The following EPSTI1 variants were observed in gnomAD, a reference collection of about 807,000 sequenced individuals.
The protein encoded by EPSTI1 is epithelial-stromal interaction protein 1.
In EPSTI1, 66 loss-of-function variants were observed where a neutral mutation model predicts 49.9. The ratio of observed to expected loss-of-function variants is 1.32; its 90% confidence interval spans 1.08 to 1.62. The LOEUF is 1.62. Ranked by LOEUF, EPSTI1 falls within the 40% of genes most tolerant of loss-of-function variation. EPSTI1 has a pLI of 0.00. For missense variants in EPSTI1, 394 were observed against 365.5 expected, an observed-to-expected ratio of 1.08 and a Z score of -0.64; for synonymous variants, 137 against 130.7, an observed-to-expected ratio of 1.05 and a Z score of -0.33.
intron 7 of EPSTI1, chr13:42,919,462 G>A: frequency 1.2e-6 from 1 of 820,408 alleles, no homozygotes; most frequent in Non-Finnish European, 2.0e-6. Context: ...CAATACCAAT[G>A]CTATATTTTA....
intron 6 of EPSTI1, among the ~76,000 whole-genome samples, chr13:42,939,029 T>C (rs1417277417): frequency 6.6e-6 from 1 of 151,996 alleles, no homozygotes; most frequent in Non-Finnish European, 1.5e-5. Flanking sequence ...TCACATTGCA[T>C]GTTTATATTA....
At chr13:42,972,325 T>G (rs1430690177) in intron 1 of EPSTI1, among the ~76,000 whole-genome samples, 2 of 152,232 alleles carry the variant, frequency 1.3e-5, no homozygotes, top group African/African-American at 4.8e-5. Flanking sequence ...AGCCTGCGAC[T>G]GGGTCAAATA....
chr13:42,911,617 TATAG>T (rs778227339), intron 8 of EPSTI1, among the ~76,000 whole-genome samples: 11 of 152,334 alleles, frequency 7.2e-5, no homozygotes, highest in Non-Finnish European at 1.5e-4. Flanking sequence ...TAGCATTGTT[TATAG>T]TAACATAATT....
At chr13:42,923,118 G>A (rs1252224325) in intron 7 of EPSTI1, among the ~76,000 whole-genome samples, 2 of 152,220 alleles carry the variant, frequency 1.3e-5, no homozygotes, top group Non-Finnish European at 2.9e-5. Context: ...AATTAAAGGA[G>A]AGACGGAGGG....
chr13:42,892,013 C>T (rs59158509), intron 10 of EPSTI1, among the ~76,000 whole-genome samples: 2,972 of 152,232 alleles, frequency 0.02, 80 homozygotes, highest in East Asian at 0.09. Flanking sequence ...GGTAATCTCA[C>T]TGAGACCGTG....
chr13:42,901,717 A>C (rs1487201953), intron 8 of EPSTI1, among the ~76,000 whole-genome samples: 1 of 152,172 alleles, frequency 6.6e-6, no homozygotes, highest in Non-Finnish European at 1.5e-5. Context: ...ATGTGGTTTC[A>C]TAAGTAATTA....
In EPSTI1 at chr13:42,954,019, G is replaced by A; in HGVS notation, c.492C>T (p.Ser164=). The A allele has an allele frequency of 6.2e-7, 1 of 1,610,076 alleles. No individual in the cohort carries two copies. The highest frequency in any genetic ancestry group is 8.5e-7 in the Non-Finnish European group (1 of 1,178,698). Residue 164 remains serine (S), a splice_region_variant and synonymous_variant, in exon 6 of 11, where the codon AGC becomes AGT. Coordinates refer to ENST00000313624, the MANE Select transcript of EPSTI1 (RefSeq NM_033255.5). ...QKMKAIQREK[S]NKLEEKKRLQ... ...GTCTTTTTTTCTCCTCCAGTTTATTGCTCTGAAATTGCAAATATCAAAACA... is the reference window on the plus strand; with the variant it reads ...GTCTTTTTTTCTCCTCCAGTTTATTACTCTGAAATTGCAAATATCAAAACA...
At chr13:42,919,022 C>T (rs542932362) in intron 7 of EPSTI1, among the ~76,000 whole-genome samples, 14 of 152,176 alleles carry the variant, frequency 9.2e-5, no homozygotes, top group Admixed American at 6.5e-4. Flanking sequence ...ACAGCTTCTA[C>T]TCAAGATATT....
Position 42,969,109 on chromosome 13 carries a change from C to G in EPSTI1, c.316G>C (p.Val106Leu). The G allele has an allele frequency of 6.2e-7, 1 of 1,614,152 alleles. No individual in the cohort carries two copies. The highest frequency in any genetic ancestry group is 8.5e-7 in the Non-Finnish European group (1 of 1,180,030). The change falls in exon 3 of 11, where the codon GTG becomes CTG. Residue 106 changes from valine (V) to leucine (L), a missense_variant. Coordinates refer to ENST00000313624, the MANE Select transcript of EPSTI1 (RefSeq NM_033255.5). ...EQNRAKPVHL[V>L]PRRLGGSQSE... is the part of the protein sequence containing the mutation. ...GCTTGCTTACCTAGCCGTCTGGGCA[C>G]CAGGTGAACCGGTTTAGCTCTGTTC...
At chr13:42,948,722 C>T (rs931164843) in intron 6 of EPSTI1, among the ~76,000 whole-genome samples, 6 of 152,124 alleles carry the variant, frequency 3.9e-5, no homozygotes, top group African/African-American at 1.4e-4. Flanking sequence ...GGTAATCCAC[C>T]TACCTTGGCC....
chr13:42,939,398 T>C (rs1282379143), intron 6 of EPSTI1, among the ~76,000 whole-genome samples: 1 of 151,020 alleles, frequency 6.6e-6, no homozygotes, highest in Non-Finnish European at 1.5e-5. Context: ...GCACAGAGCT[T>C]AGTCATTTTT....
chr13:42,946,984 C>CA (rs978693144), intron 6 of EPSTI1, among the ~76,000 whole-genome samples: 59 of 152,202 alleles, frequency 3.9e-4, no homozygotes, highest in African/African-American at 1.4e-3. Flanking sequence ...TTCCCTGTGC[C>CA]AAAAAGGTTG....
intron 6 of EPSTI1, among the ~76,000 whole-genome samples, chr13:42,952,167 C>T (rs774789135): frequency 7.9e-5 from 12 of 152,144 alleles, no homozygotes; most frequent in South Asian, 4.1e-4. Flanking sequence ...GGGATGTGGG[C>T]GCAGACAAAT....
intron 5 of EPSTI1, among the ~76,000 whole-genome samples, chr13:42,959,789 G>A (rs2039390259): frequency 6.6e-6 from 1 of 152,144 alleles, no homozygotes. Context: ...AGAGGTTGGG[G>A]AATCAAATGA....
Position 42,970,645 on chromosome 13 carries a change from G to C in EPSTI1, c.214C>G (p.Pro72Ala). 6.2e-7 allele frequency: 1 copy of C among 1,610,216 alleles called. No individual in the cohort carries two copies. Among genetic ancestry groups the C allele is most frequent in the South Asian group, 1.1e-5 (1 of 90,092 alleles). Reference protein sequence around the residue: ...RRTSAYTLIAPNINRRNEIQR... With the variant: ...RRTSAYTLIAANINRRNEIQR... ...ATCTCATTTCTCCGGTTTATATTTG[G>C]TGCTATCAAGGTGTATGCACTTGTG... Residue 72 changes from proline to alanine, a missense_variant, in exon 2 of 11, where the codon CCA (proline) becomes GCA (alanine). Transcript: ENST00000313624.
intron 10 of EPSTI1, among the ~76,000 whole-genome samples, chr13:42,891,528 T>C (rs2037034731): frequency 1.3e-5 from 2 of 152,238 alleles, no homozygotes; most frequent in South Asian, 4.1e-4. Context: ...AATGGCATTT[T>C]GGTTTAATTC....
At chr13:42,965,576 G>A (rs2039579854) in intron 3 of EPSTI1, among the ~76,000 whole-genome samples, 1 of 152,208 alleles carries the variant, frequency 6.6e-6, no homozygotes, top group Non-Finnish European at 1.5e-5. Flanking sequence ...GAAATCTGAG[G>A]AAAGATGTCA....
rs1046693355 is a variant in EPSTI1 at position 42,963,202 on chromosome 13, A to G, written c.489+53T>C. On this transcript the variant is annotated intron_variant, in intron 5 of 10. Coordinates refer to ENST00000313624, the MANE Select transcript of EPSTI1 (RefSeq NM_033255.5). ...GTTACTATAATAAAAATCTTCTACA[A>G]CGAAACTATAATTGTTGATCAGCAA... is the stretch of plus-strand genomic sequence containing the variant. The G allele has an allele frequency of 5.5e-6, 8 of 1,441,544 alleles. No individual in the cohort carries two copies. The African/African-American group carries it at 1.1e-4, about 20-fold the overall frequency. The allele number at this position is 1,441,544 out of a possible 1,614,324, so 89.3% of individuals were successfully genotyped here. A position where few individuals can be genotyped will look rare whatever the true frequency, so the allele number is the denominator to read the frequency against.
chr13:42,965,016 ACC>A (rs2039565008), intron 3 of EPSTI1, among the ~76,000 whole-genome samples: 2 of 152,208 alleles, frequency 1.3e-5, no homozygotes, highest in South Asian at 4.1e-4. Flanking sequence ...TGAGAAAGAT[ACC>A]ATAGGGACTT....
Sources: allele counts gnomAD v4.1 joint callset (sites outside exome capture counted in the v4.1 genomes callset), GRCh38; gene constraint gnomAD v4.1.1; transcripts MANE v1.5; gene names NCBI Gene and HGNC (gene_info 2026-07-23, HGNC 2026-07-21).